SPPL3: variants seen among roughly 807,000 people sequenced by gnomAD.
SPPL3 encodes signal peptide peptidase-like 3.
SPPL3 carries 5 observed loss-of-function variants against 42.4 expected under a neutral mutation model. That is an observed-to-expected ratio of 0.12 (90% CI 0.06 to 0.25). SPPL3 has a LOEUF of 0.25. Ranked by LOEUF, SPPL3 falls within the 10% of genes least tolerant of loss-of-function variation. The pLI is 1.00. For synonymous variants in SPPL3, 195 were observed against 181.8 expected, an observed-to-expected ratio of 1.07 and a Z score of -0.58; for missense variants, 235 against 489.0, an observed-to-expected ratio of 0.48 and a Z score of 4.90.
chr12:120,784,499 T>C lies in SPPL3; in HGVS notation c.285A>G (p.Gln95=), dbSNP rs1231398858. ...CTGCTGTACATATTGTAAAAACTACTTGAACTGAGTCAAAGAAGAAGAACA... is the reference window on the plus strand; with the variant it reads ...CTGCTGTACATATTGTAAAAACTACCTGAACTGAGTCAAAGAAGAAGAACA... ...LVMFFFFDSV[Q]VVFTICTAVL... The change falls in exon 4 of 11, where the codon CAA becomes CAG. Residue 95 remains glutamine, a synonymous_variant. Coordinates refer to ENST00000353487, the MANE Select transcript of SPPL3 (RefSeq NM_139015.5). 1.5e-5 allele frequency: 24 copies of C among 1,612,050 alleles called. No homozygotes were observed. Among genetic ancestry groups the C allele is most frequent in the Non-Finnish European group, 2.0e-5 (23 of 1,178,764 alleles).
intron 6 of SPPL3, among the ~76,000 whole-genome samples, chr12:120,779,168 T>C (rs896252213): frequency 6.6e-6 from 1 of 152,218 alleles, no homozygotes; most frequent in African/African-American, 2.4e-5. Flanking sequence ...AAAGTATATA[T>C]AGCCTATAAG....
chr12:120,769,615 A>G (rs1869040541), intron 6 of SPPL3: 1 of 153,064 alleles, frequency 6.5e-6, no homozygotes, highest in African/African-American at 2.4e-5. Flanking sequence ...CAGTGGCACA[A>G]TCTCGACTCA....
At chr12:120,900,595 A>AG (rs1229641787) in intron 1 of SPPL3, among the ~76,000 whole-genome samples, 1 of 103,898 alleles carries the variant, frequency 9.6e-6, no homozygotes, top group Non-Finnish European at 2.0e-5. Flanking sequence ...CCCTGTCTCA[A>AG]GGAAAAAAAA....
At chr12:120,787,099 T>C (rs1869747155) in intron 3 of SPPL3, among the ~76,000 whole-genome samples, 1 of 152,154 alleles carries the variant, frequency 6.6e-6, no homozygotes, top group South Asian at 2.1e-4. Flanking sequence ...AATTACTGAT[T>C]TTACACCTCC....
At chr12:120,802,413 G>C (rs111622874) in intron 2 of SPPL3, among the ~76,000 whole-genome samples, 1 of 112,440 alleles carries the variant, frequency 8.9e-6, no homozygotes, top group African/African-American at 3.9e-5. Flanking sequence ...GTGTGTGTGT[G>C]TGTATATATA....
intron 1 of SPPL3, among the ~76,000 whole-genome samples, chr12:120,868,955 A>G (rs1872843569): frequency 6.6e-6 from 1 of 152,228 alleles, no homozygotes; most frequent in South Asian, 2.1e-4. Context: ...CACACCTAAC[A>G]TCTGTTCATA....
At chr12:120,861,536 G>C (rs1051682817) in intron 1 of SPPL3, among the ~76,000 whole-genome samples, 1 of 152,108 alleles carries the variant, frequency 6.6e-6, no homozygotes, top group African/African-American at 2.4e-5. Context: ...ACAGGCTGTG[G>C]TAGATCCTTG....
chr12:120,844,538 C>T (rs1217065836), intron 1 of SPPL3, among the ~76,000 whole-genome samples: 1 of 152,174 alleles, frequency 6.6e-6, no homozygotes, highest in Non-Finnish European at 1.5e-5. Flanking sequence ...CCCCCACACC[C>T]CACACACATG....
chr12:120,825,318 C>T (rs981994296), intron 1 of SPPL3, among the ~76,000 whole-genome samples: 2 of 152,092 alleles, frequency 1.3e-5, no homozygotes, highest in Non-Finnish European at 2.9e-5. Context: ...GCAAAAGCAG[C>T]CCCAATTCAG....
intron 1 of SPPL3, among the ~76,000 whole-genome samples, chr12:120,837,668 G>C (rs1871669237): frequency 6.6e-6 from 1 of 151,996 alleles, no homozygotes; most frequent in South Asian, 2.1e-4. Flanking sequence ...AATTTACTAG[G>C]CAATTAAAAA....
intron 1 of SPPL3, among the ~76,000 whole-genome samples, chr12:120,859,305 T>C (rs1872557254): frequency 6.6e-6 from 1 of 152,196 alleles, no homozygotes; most frequent in South Asian, 2.1e-4. Flanking sequence ...CAAAAAGTTC[T>C]GCATTTTGGA....
At chr12:120,875,435 C>T (rs1873054747) in intron 1 of SPPL3, among the ~76,000 whole-genome samples, 1 of 151,838 alleles carries the variant, frequency 6.6e-6, no homozygotes, top group Non-Finnish European at 1.5e-5. Flanking sequence ...ACAGACCAGC[C>T]TGGCCAACAT....
chr12:120,806,071 G>A (rs1359076621), intron 2 of SPPL3, among the ~76,000 whole-genome samples: 3 of 148,310 alleles, frequency 2.0e-5, no homozygotes, highest in African/African-American at 7.4e-5. Context: ...AAAGGATCCA[G>A]AGTAGCCAGA....
intron 2 of SPPL3, among the ~76,000 whole-genome samples, chr12:120,796,815 T>C (rs1186264893): frequency 6.6e-6 from 1 of 152,180 alleles, no homozygotes; most frequent in Non-Finnish European, 1.5e-5. Context: ...CTCTCCCTTC[T>C]AATCCTTTCA....
At chr12:120,838,900 A>G (rs1337632928) in intron 1 of SPPL3, among the ~76,000 whole-genome samples, 5 of 152,162 alleles carry the variant, frequency 3.3e-5, no homozygotes, top group African/African-American at 1.2e-4. Flanking sequence ...ACACTTTTAC[A>G]CTGTTGGTGG....
chr12:120,799,498 T>C (rs1316578354), intron 2 of SPPL3, among the ~76,000 whole-genome samples: 1 of 152,142 alleles, frequency 6.6e-6, no homozygotes, highest in African/African-American at 2.4e-5. Context: ...AGCTGGTCCA[T>C]TTTCTTAGCA....
chr12:120,765,289 A>T (rs1347729125), intron 10 of SPPL3, among the ~76,000 whole-genome samples: 2 of 145,700 alleles, frequency 1.4e-5, no homozygotes, highest in Non-Finnish European at 3.0e-5. Context: ...CCTTTCTGAT[A>T]TTTTTTTTTT....
At chr12:120,772,041 G>C (rs571480891) in intron 6 of SPPL3, among the ~76,000 whole-genome samples, 3 of 151,480 alleles carry the variant, frequency 2.0e-5, no homozygotes, top group African/African-American at 4.8e-5. Context: ...TTGTTTTTTT[G>C]AGACAGAGTT....
chr12:120,850,882 A>G (rs589699), intron 1 of SPPL3, among the ~76,000 whole-genome samples: 37,202 of 140,768 alleles, frequency 0.26, 5,620 homozygotes, highest in Non-Finnish European at 0.37. Context: ...ATCTGCTACC[A>G]CTCACTCTGG....
Sources: allele counts gnomAD v4.1 joint callset (sites outside exome capture counted in the v4.1 genomes callset), GRCh38; gene constraint gnomAD v4.1.1; transcripts MANE v1.5; gene names NCBI Gene and HGNC (gene_info 2026-07-23, HGNC 2026-07-21).